ETF1: variants seen among roughly 807,000 people sequenced by gnomAD.
ETF1 encodes the protein eukaryotic translation termination factor 1.
Under a neutral mutation model 55.1 loss-of-function variants are expected in ETF1, and 4 were observed. The ratio of observed to expected loss-of-function variants is 0.07; its 90% confidence interval spans 0.04 to 0.17. ETF1 has a LOEUF of 0.17. Among genes scored for constraint, ETF1 ranks in the 10% least tolerant of loss-of-function variants. The probability of loss-of-function intolerance (pLI) is 1.00; values close to 1 mark genes in which losing one functional copy is unlikely to be tolerated. For missense variants in ETF1, 142 were observed against 523.6 expected (o/e 0.27, Z 7.11); for synonymous variants, 157 against 182.3 (o/e 0.86, Z 1.12).
At chr5:138,536,744 T>C (rs543716485) in intron 2 of ETF1, among the ~76,000 whole-genome samples, 84 of 152,316 alleles carry the variant, frequency 5.5e-4, no homozygotes, top group African/African-American at 1.9e-3. Flanking sequence ...AGACCATTTA[T>C]AGCCCTGCTG....
chr5:138,538,042 A>G (rs6871028), intron 2 of ETF1, among the ~76,000 whole-genome samples: 140,981 of 147,362 alleles, frequency 0.96, 67,692 homozygotes, highest in East Asian at 1. Context: ...ACAGGCATGC[A>G]CCACCATGCC....
chr5:138,511,716 T>C (rs1350201938), intron 6 of ETF1, 112 bp from the exon 7 acceptor site: 1 of 1,412,702 alleles, frequency 7.1e-7, no homozygotes, highest in Non-Finnish European at 9.2e-7. Flanking sequence ...CTCAGCATTA[T>C]GATCACTGAA....
At chr5:138,532,669 G>A (rs549872090) in intron 2 of ETF1, among the ~76,000 whole-genome samples, 26 of 152,284 alleles carry the variant, frequency 1.7e-4, no homozygotes, top group Non-Finnish European at 3.4e-4. Context: ...GCAGATGATG[G>A]TCACCTTTAC....
Position 138,508,083 on chromosome 5 carries a change from G to C in ETF1, c.*222C>G, listed in dbSNP as rs1406467011. On this transcript the variant is annotated 3_prime_UTR_variant, in exon 11 of 11. Coordinates refer to ENST00000360541, the MANE Select transcript of ETF1 (RefSeq NM_004730.4). Reference sequence around the variant, plus strand: ...TTAAATTAGTCCAAAGTGGCGTTTAGGAACTTAGTTGTAGGCTGCTGCGCT... The same window carrying C: ...TTAAATTAGTCCAAAGTGGCGTTTACGAACTTAGTTGTAGGCTGCTGCGCT... 2.3e-6 allele frequency: 1 copy of C among 436,174 alleles called. No individual in the cohort carries two copies. The allele number at this position is 436,174 out of a possible 1,614,324, so 27.0% of individuals were successfully genotyped here.
intron 2 of ETF1, among the ~76,000 whole-genome samples, chr5:138,535,280 A>C (rs1765872067): frequency 6.6e-6 from 1 of 151,916 alleles, no homozygotes; most frequent in African/African-American, 2.4e-5. Flanking sequence ...AGAAGAAGAA[A>C]GCATTAGTTC....
chr5:138,530,802 TG>T lies in ETF1; in HGVS notation c.87-11936del, dbSNP rs1480179119. 1.3e-5 allele frequency among the ~76,000 whole-genome samples: 2 copies of T among 152,212 alleles called. 1 individual carries two copies. The highest frequency in any genetic ancestry group is 4.8e-5 in the African/African-American group (2 of 41,456). On this transcript the variant is annotated intron_variant, in intron 2 of 10. Coordinates refer to ENST00000360541, the MANE Select transcript of ETF1 (RefSeq NM_004730.4). Reference sequence around the variant, plus strand: ...CTGGTCTCGAACTCCTGACCTCAAGTGATCTGTCTGCCTTGGCCTCCCAAAG... The same window carrying T: ...CTGGTCTCGAACTCCTGACCTCAAGTATCTGTCTGCCTTGGCCTCCCAAAG...
At chr5:138,510,373 A>AAAAAAAG (rs1209878663) in intron 9 of ETF1, among the ~76,000 whole-genome samples, 192 bp downstream of exon 9, 6 of 148,676 alleles carry the variant, frequency 4.0e-5, no homozygotes, top group African/African-American at 1.5e-4. Flanking sequence ...AAAAAAAAAA[A>AAAAAAAG]AAAAAAAAAA....
At chr5:138,514,485 G>C (rs1439363279) in intron 4 of ETF1, among the ~76,000 whole-genome samples, 1 of 152,170 alleles carries the variant, frequency 6.6e-6, no homozygotes, top group African/African-American at 2.4e-5. Flanking sequence ...GTAGGTTGCA[G>C]TGAGCCAAGA....
chr5:138,539,788 A>G (rs1766099081), intron 2 of ETF1, among the ~76,000 whole-genome samples: 1 of 152,228 alleles, frequency 6.6e-6, no homozygotes, highest in Admixed American at 6.5e-5. Flanking sequence ...CTCAGACTAC[A>G]TTTTAAGGAA....
At chr5:138,542,726 G>A (rs886723097) in intron 2 of ETF1, 107 bp downstream of exon 2, 23 of 1,536,602 alleles carry the variant, frequency 1.5e-5, no homozygotes, top group Non-Finnish European at 2.0e-5. Flanking sequence ...GAAGGCGGGA[G>A]TTGGCTAGTG....
intron 2 of ETF1, chr5:138,541,550 C>T (rs952598408): frequency 1.4e-5 from 21 of 1,535,250 alleles, no homozygotes; most frequent in East Asian, 4.9e-5. Context: ...CAATTAAGCA[C>T]ATCCTGTTTC....
intron 2 of ETF1, among the ~76,000 whole-genome samples, chr5:138,522,192 C>T (rs746920718): frequency 8.6e-5 from 13 of 151,742 alleles, no homozygotes; most frequent in Non-Finnish European, 1.6e-4. Context: ...CAAAGGATAG[C>T]ATTAGGAAAG....
intron 9 of ETF1, among the ~76,000 whole-genome samples, chr5:138,510,070 A>G (rs1264475919): frequency 2.0e-5 from 3 of 149,716 alleles, no homozygotes; most frequent in Non-Finnish European, 4.5e-5. Flanking sequence ...AAGAAAAAAA[A>G]AAAAAGACCG....
At chr5:138,511,305 T>G (rs1035196481) in intron 7 of ETF1, 105 bp from the exon 8 acceptor site, 20 of 1,536,044 alleles carry the variant, frequency 1.3e-5, no homozygotes, top group Admixed American at 4.4e-5. Flanking sequence ...ATAATGCTTT[T>G]ACTGAGGCAA....
chr5:138,541,680 T>G, intron 2 of ETF1: 1 of 1,417,486 alleles, frequency 7.1e-7, no homozygotes, highest in African/African-American at 1.4e-5. Context: ...AAATCAACTT[T>G]TCACATGGCC....
At chr5:138,513,431 T>A in intron 5 of ETF1, 137 bp downstream of exon 5, 1 of 823,764 alleles carries the variant, frequency 1.2e-6, no homozygotes, top group South Asian at 2.1e-5. Context: ...GTCTCGAACT[T>A]CTGACTTCGT....
intron 3 of ETF1, 59 bp from the exon 4 acceptor site, chr5:138,517,759 A>G: frequency 7.4e-7 from 1 of 1,357,354 alleles, no homozygotes; most frequent in Non-Finnish European, 9.6e-7. Flanking sequence ...TCGTCAATTA[A>G]TAGAAAATGT....
chr5:138,531,478 T>C (rs1435460180), intron 2 of ETF1, among the ~76,000 whole-genome samples: 1 of 152,106 alleles, frequency 6.6e-6, no homozygotes, highest in Non-Finnish European at 1.5e-5. Context: ...TCAGAGATAC[T>C]CAACTTTACC....
chr5:138,518,616 AAGCACCAT>A, intron 3 of ETF1, 68 bp downstream of exon 3: 3 of 1,254,002 alleles, frequency 2.4e-6, no homozygotes, highest in Non-Finnish European at 3.4e-6. Flanking sequence ...TTAGTGAACA[AAGCACCAT>A]AGCAGCATCA....
Sources: gnomAD v4.1 joint callset for allele counts (sites outside exome capture counted in the v4.1 genomes callset) on GRCh38, gnomAD v4.1.1 for gene constraint, MANE v1.5 for transcripts, NCBI Gene and HGNC (gene_info 2026-07-23, HGNC 2026-07-21) for gene names.